TAC3: variants seen among roughly 807,000 people sequenced by gnomAD.
The protein encoded by TAC3 is tachykinin precursor 3.
Under a neutral mutation model 16.5 loss-of-function variants are expected in TAC3, and 9 were observed. That is an observed-to-expected ratio of 0.55 (90% confidence interval 0.33 to 0.95). TAC3 has a LOEUF of 0.95. TAC3 is among the 40% of genes least tolerant of loss of function. The pLI, the probability that TAC3 is intolerant of heterozygous loss-of-function variation, is 0.03. For missense variants in TAC3, 129 were observed against 149.1 expected, an observed-to-expected ratio of 0.87 and a Z score of 0.70; for synonymous variants, 52 against 56.7, an observed-to-expected ratio of 0.92 and a Z score of 0.37.
chr12:57,010,093 C>A lies in TAC3; in HGVS notation c.*197G>T. ...CAGGAACTCTAGGGTATTCTACAGT[C>A]AATGCCCATTGGGGTTGGGGATATT... On this transcript the variant is annotated 3_prime_UTR_variant, in exon 7 of 7. Transcript: ENST00000458521. 2.2e-6 allele frequency: 1 copy of A among 454,044 alleles called. No individual in the cohort carries two copies. 28.1% of individuals were successfully genotyped at this position (454,044 alleles called of 1,614,324 possible).
At chr12:57,010,724 TAC>T in intron 6 of TAC3, 1 of 155,696 alleles carries the variant, frequency 6.4e-6, no homozygotes, top group Non-Finnish European at 1.4e-5. Context: ...AGGGATTACT[TAC>T]AGTTTCACAT....
intron 6 of TAC3, 41 bp downstream of exon 6, chr12:57,012,337 C>T (rs200718299): frequency 1.3e-4 from 208 of 1,573,130 alleles, no homozygotes; most frequent in Non-Finnish European, 1.7e-4. Flanking sequence ...CCACAGCCCC[C>T]TCCCCAGTCC....
At chr12:57,012,901 G>A (rs1956322210) in intron 4 of TAC3, 26 bp from the exon 5 acceptor site, 15 of 1,614,076 alleles carry the variant, frequency 9.3e-6, no homozygotes, top group Non-Finnish European at 1.3e-5. Flanking sequence ...AACATTGTCA[G>A]CAGTGATGAT....
At chr12:57,012,896 T>C in intron 4 of TAC3, 21 bp from the exon 5 acceptor site, 1 of 1,614,090 alleles carries the variant, frequency 6.2e-7, no homozygotes, top group Non-Finnish European at 8.5e-7. Flanking sequence ...GGGCCAACAT[T>C]GTCAGCAGTG....
At chr12:57,013,500 C>A in intron 3 of TAC3, 78 bp downstream of exon 3, 1 of 1,592,430 alleles carries the variant, frequency 6.3e-7, no homozygotes, top group East Asian at 2.2e-5. Context: ...ATCTCTCTCC[C>A]ATCTGAAAGG....
At position 57,016,513 on chromosome 12, in the gene TAC3, G is replaced by A. The variant is rs913366514; in HGVS notation, c.-132C>T. The stretch of plus-strand genomic sequence containing the variant: ...CCTGCAAAGAGAGAAACCGAGTGGA[G>A]GGGATCTAGGAAGGCTGCAGTCACT... On this transcript the variant is annotated 5_prime_UTR_variant, in exon 1 of 7. Coordinates refer to ENST00000458521, the MANE Select transcript of TAC3 (RefSeq NM_013251.4). The A allele has an allele frequency of 6.6e-6, 3 of 454,372 alleles. No individual in the cohort carries two copies. Among genetic ancestry groups the A allele is most frequent in the Admixed American group, 2.4e-5 (1 of 42,548 alleles). 28.1% of individuals were successfully genotyped at this position (454,372 alleles called of 1,614,324 possible).
intron 5 of TAC3, 47 bp downstream of exon 5, chr12:57,012,775 T>C: frequency 6.2e-7 from 1 of 1,614,104 alleles, no homozygotes; most frequent in Non-Finnish European, 8.5e-7. Flanking sequence ...TCTGTCATAC[T>C]CTGCCAGTAC....
intron 6 of TAC3, among the ~76,000 whole-genome samples, chr12:57,011,426 C>G (rs1208873304): frequency 6.6e-6 from 1 of 152,178 alleles, no homozygotes; most frequent in East Asian, 1.9e-4. Context: ...GGTGGAGCTG[C>G]TCTTGCTGTG....
Position 57,010,016 on chromosome 12 carries a change from C to A in TAC3, c.*274G>T. The A allele has an allele frequency of 2.4e-6, 1 of 417,348 alleles. No homozygotes were observed. Among genetic ancestry groups the A allele is most frequent in the African/African-American group, 2.0e-5 (1 of 48,972 alleles). The allele number at this position is 417,348 out of a possible 1,614,324, so 25.9% of individuals were successfully genotyped here. On this transcript the variant is annotated 3_prime_UTR_variant, in exon 7 of 7. Coordinates refer to ENST00000458521, the MANE Select transcript of TAC3 (RefSeq NM_013251.4). ...ACCACATCATTCATATGCAAAAATC[C>A]TTTATTGTTGAGGAATAGAGAGAGA...
intron 2 of TAC3, among the ~76,000 whole-genome samples, chr12:57,014,578 G>C (rs1294730546): frequency 1.3e-5 from 2 of 152,180 alleles, no homozygotes; most frequent in Admixed American, 6.5e-5. Context: ...AGGGGCAGAG[G>C]GGACATCTCA....
rs199723784 is a variant in TAC3 at position 57,015,676 on chromosome 12, A to C, written c.114+8T>G. 14 of 1,612,002 alleles carry C rather than the reference A, an allele frequency of 8.7e-6. No individual in the cohort carries two copies. In the East Asian group the frequency reaches 2.7e-4, roughly 31 times the overall value. On this transcript the variant is annotated splice_region_variant and intron_variant, in intron 2 of 6. Transcript: ENST00000458521. The stretch of plus-strand genomic sequence containing the variant: ...GATGTCCCCAGTACTCTGCCAGGGG[A>C]GACTTACCTTGCTGCGGCCCCCGCC...
In TAC3 at chr12:57,013,595, A is replaced by G. The variant is rs1477058571; in HGVS notation, c.191T>C (p.Leu64Pro). The change falls in exon 3 of 7, where the codon CTG becomes CCG. Residue 64 changes from leucine to proline, a missense_variant. Physicochemically the swap from Leu to Pro is moderately conservative, Grantham distance 98. Transcript: ENST00000458521. ...HSSLEGLLKA[L>P]SQASTDPKES... ...CCTCCTACCTGTGCTAGCCTGGCTC[A>G]GGGCTTTGAGCAATCCCTCCAGAGA... 6.2e-7 allele frequency: 1 copy of G among 1,613,476 alleles called. No homozygotes were observed. The highest frequency in any genetic ancestry group is 1.1e-5 in the South Asian group (1 of 90,912).
Position 57,015,791 on chromosome 12 carries a change from T to G in TAC3, c.7A>C (p.Ile3Leu). 6.2e-7 allele frequency: 1 copy of G among 1,613,410 alleles called. No individual in the cohort carries two copies. Among genetic ancestry groups the G allele is most frequent in the Non-Finnish European group, 8.5e-7 (1 of 1,179,436 alleles). Residue 3 changes from isoleucine to leucine, a missense_variant, in exon 2 of 7, where the codon ATC becomes CTC. Physicochemically the swap from Ile to Leu is conservative, Grantham distance 5. Transcript: ENST00000458521. ...AGGATGGCTGTGAATAGCAGCATGATCCTCATGGTGCCTGGGAGAGCAAAG... is the reference window on the plus strand; with the variant it reads ...AGGATGGCTGTGAATAGCAGCATGAGCCTCATGGTGCCTGGGAGAGCAAAG... MR[I>L]MLLFTAILAF...
intron 4 of TAC3, 21 bp downstream of exon 4, chr12:57,013,338 G>A: frequency 6.2e-7 from 1 of 1,613,916 alleles, no homozygotes; most frequent in Non-Finnish European, 8.5e-7. Flanking sequence ...AAGAGATAGG[G>A]AGGGAGAAGA....
In TAC3 at chr12:57,013,169, T is replaced by C. The variant is rs1022799026; in HGVS notation, c.238+190A>G. ...CAGCCAGCAGAGGGAGAGCCCACCA[T>C]GCCCCTCACACCAGCTTCCTCCTAG... On this transcript the variant is annotated intron_variant, in intron 4 of 6. Coordinates refer to ENST00000458521, the MANE Select transcript of TAC3 (RefSeq NM_013251.4). 18 of 768,422 alleles carry C rather than the reference T, an allele frequency of 2.3e-5. 1 individual carries two copies. The African/African-American group carries it at 2.6e-4, about 11-fold the overall frequency. The allele number at this position is 768,422 out of a possible 1,614,324, so 47.6% of individuals were successfully genotyped here. A position where few individuals can be genotyped will look rare whatever the true frequency, so the allele number is the denominator to read the frequency against.
rs28439289 is a variant in TAC3, at chr12:57,013,264, G to T, written c.238+95C>A. On this transcript the variant is annotated intron_variant, in intron 4 of 6. Transcript: ENST00000458521. ...GGAGCTGGCATATTGTTTGTACCAG[G>T]TGAGAAGGGGCTGGACAAAATGGCC... 471 of 1,454,774 alleles carry T rather than the reference G, an allele frequency of 3.2e-4. No individual in the cohort carries two copies. In the African/African-American group the frequency reaches 6.0e-3, roughly 18 times the overall value. 90.1% of individuals were successfully genotyped at this position (1,454,774 alleles called of 1,614,324 possible).
At chr12:57,015,905 C>T in intron 1 of TAC3, 103 bp from the exon 2 acceptor site, 1 of 970,022 alleles carries the variant, frequency 1.0e-6, no homozygotes, top group Non-Finnish European at 1.6e-6. Flanking sequence ...TGGCTTGACC[C>T]TGCTTCCCCA....
At chr12:57,012,098 G>A (rs920012817) in intron 6 of TAC3, 15 of 461,476 alleles carry the variant, frequency 3.3e-5, no homozygotes, top group Non-Finnish European at 4.4e-5. Flanking sequence ...ATTGCCCATC[G>A]GGGAAGCCCC....
intron 2 of TAC3, 37 bp from the exon 3 acceptor site, chr12:57,013,708 C>G: frequency 1.3e-6 from 2 of 1,531,732 alleles, no homozygotes. Flanking sequence ...GCAGGAGGCT[C>G]CCACCCGGAT....
Sources: gnomAD v4.1 joint callset for allele counts (sites outside exome capture counted in the v4.1 genomes callset) on GRCh38, gnomAD v4.1.1 for gene constraint, MANE v1.5 for transcripts, NCBI Gene and HGNC (gene_info 2026-07-23, HGNC 2026-07-21) for gene names.